STPG2: variants seen among roughly 807,000 people sequenced by gnomAD.
The protein encoded by STPG2 is sperm-tail PG-rich repeat-containing protein 2.
In STPG2, 56 loss-of-function variants were observed where a neutral mutation model predicts 54.2. That is an observed-to-expected ratio of 1.03 (90% CI 0.83 to 1.29). The LOEUF (loss-of-function observed/expected upper bound fraction) is 1.29, where lower values mean the gene tolerates loss of function less well. Ranked by LOEUF, STPG2 falls within the 50% of genes most tolerant of loss-of-function variation. The pLI is 0.00. For missense variants in STPG2, 596 were observed against 544.9 expected (o/e 1.09, Z -0.93); for synonymous variants, 200 against 181.8 (o/e 1.10, Z -0.81).
chr4:98,068,532 A>C (rs1325737956), intron 5 of STPG2, among the ~76,000 whole-genome samples: 1 of 152,142 alleles, frequency 6.6e-6, no homozygotes, highest in Non-Finnish European at 1.5e-5. Context: ...ATTGCTCCTG[A>C]GTTTCATGAT....
At chr4:97,862,517 G>A (rs1578633367) in intron 8 of STPG2, among the ~76,000 whole-genome samples, 2 of 151,984 alleles carry the variant, frequency 1.3e-5, no homozygotes, top group African/African-American at 4.8e-5. Context: ...ACACCCCATG[G>A]TCAACATTAG....
chr4:97,837,544 T>C (rs749727091), intron 9 of STPG2, among the ~76,000 whole-genome samples: 1 of 151,652 alleles, frequency 6.6e-6, no homozygotes, highest in African/African-American at 2.4e-5. Context: ...TAAAACTTGG[T>C]GTAATAAGAA....
At chr4:97,956,649 G>A (rs965069045) in intron 7 of STPG2, among the ~76,000 whole-genome samples, 1 of 152,168 alleles carries the variant, frequency 6.6e-6, no homozygotes, top group African/African-American at 2.4e-5. Flanking sequence ...AGAACTCTGC[G>A]CAGACAACCC....
At chr4:97,927,416 G>A (rs1047211854) in intron 8 of STPG2, among the ~76,000 whole-genome samples, 1 of 151,906 alleles carries the variant, frequency 6.6e-6, no homozygotes. Context: ...CTCTTCTACT[G>A]CCTTTCCCAC....
chr4:97,950,046 G>GTA (rs1733407819), intron 7 of STPG2, among the ~76,000 whole-genome samples: 3 of 151,764 alleles, frequency 2.0e-5, no homozygotes, highest in Admixed American at 6.6e-5. Context: ...GCATTTTGTA[G>GTA]TTCCCTAAAT....
chr4:97,615,796 G>A (rs982983402), intron 10 of STPG2, among the ~76,000 whole-genome samples: 1 of 151,256 alleles, frequency 6.6e-6, no homozygotes, highest in Non-Finnish European at 1.5e-5. Flanking sequence ...CCCAACACTG[G>A]GAGGCCGAGA....
At chr4:97,785,710 G>A (rs181270564) in intron 9 of STPG2, among the ~76,000 whole-genome samples, 19 of 151,996 alleles carry the variant, frequency 1.3e-4, no homozygotes, top group Admixed American at 5.9e-4. Context: ...AAATATCTTC[G>A]TTCCCACCTG....
intron 8 of STPG2, among the ~76,000 whole-genome samples, chr4:97,850,008 C>G (rs192580289): frequency 0.013 from 2,008 of 151,782 alleles, 44 homozygotes; most frequent in African/African-American, 0.046. Context: ...ATAGCAAAGA[C>G]TTGGAACCAA....
intron 8 of STPG2, among the ~76,000 whole-genome samples, chr4:97,894,859 G>C (rs374077191): frequency 2.3e-4 from 35 of 151,946 alleles, no homozygotes; most frequent in African/African-American, 6.0e-4. Flanking sequence ...GTAAGAAATG[G>C]ATTTCTAAAT....
intron 10 of STPG2, among the ~76,000 whole-genome samples, chr4:97,595,225 A>C (rs1302301057): frequency 1.3e-5 from 2 of 152,202 alleles, no homozygotes; most frequent in South Asian, 2.1e-4. Context: ...GATAGACTGG[A>C]TTAAGAAAAT....
intron 4 of STPG2, among the ~76,000 whole-genome samples, chr4:97,515,679 T>C (rs1423586057): frequency 1.3e-5 from 2 of 152,088 alleles, no homozygotes; most frequent in African/African-American, 4.8e-5. Context: ...TTGTTTTTTT[T>C]AACTTTTAAA....
At chr4:97,759,442 A>C (rs1390319532) in intron 9 of STPG2, among the ~76,000 whole-genome samples, 1 of 152,182 alleles carries the variant, frequency 6.6e-6, no homozygotes, top group Non-Finnish European at 1.5e-5. Context: ...GTTTTAACCA[A>C]TTTAATAGAG....
chr4:98,126,263 GA>G (rs1363667417), intron 3 of STPG2, among the ~76,000 whole-genome samples: 1 of 152,188 alleles, frequency 6.6e-6, no homozygotes, highest in Non-Finnish European at 1.5e-5. Context: ...GCCAGAGTAT[GA>G]AAAACAACTC....
At chr4:97,635,555 A>G (rs945126767) in intron 10 of STPG2, among the ~76,000 whole-genome samples, 12 of 152,222 alleles carry the variant, frequency 7.9e-5, no homozygotes, top group African/African-American at 2.9e-4. Context: ...CAAATTGGAT[A>G]AAGAGTCAAG....
chr4:97,937,082 T>C (rs1348034249), intron 8 of STPG2, among the ~76,000 whole-genome samples: 5 of 152,152 alleles, frequency 3.3e-5, no homozygotes, highest in Non-Finnish European at 7.3e-5. Flanking sequence ...TTCCTTTTAA[T>C]TCTTTTTTCT....
intron 1 of STPG2, among the ~76,000 whole-genome samples, chr4:98,138,146 A>G (rs116034973): frequency 0.01 from 1,581 of 152,170 alleles, 30 homozygotes; most frequent in African/African-American, 0.036. Flanking sequence ...ACAATAATGA[A>G]TAAGATAAAA....
chr4:97,861,386 T>A (rs992977556), intron 8 of STPG2, among the ~76,000 whole-genome samples: 6 of 152,176 alleles, frequency 3.9e-5, no homozygotes, highest in Non-Finnish European at 5.9e-5. Context: ...CTTTGGCCAC[T>A]GTTGGTGGGA....
intron 10 of STPG2, among the ~76,000 whole-genome samples, chr4:97,647,883 G>T (rs1352089541): frequency 6.6e-6 from 1 of 152,096 alleles, no homozygotes; most frequent in African/African-American, 2.4e-5. Context: ...GCCAGTGTGG[G>T]TCTAAATGGT....
intron 9 of STPG2, among the ~76,000 whole-genome samples, chr4:97,834,198 G>A (rs1233501538): frequency 6.6e-6 from 1 of 152,100 alleles, no homozygotes; most frequent in Non-Finnish European, 1.5e-5. Flanking sequence ...ATGAGTTAAT[G>A]TCCTTTGCAG....
Sources: allele counts gnomAD v4.1 joint callset (sites outside exome capture counted in the v4.1 genomes callset), GRCh38; gene constraint gnomAD v4.1.1; transcripts MANE v1.5; gene names NCBI Gene and HGNC (gene_info 2026-07-23, HGNC 2026-07-21).